MED17: variants seen among roughly 807,000 people sequenced by gnomAD.
The protein encoded by MED17 is mediator complex subunit 17, also known as mediator of RNA polymerase II transcription subunit 17.
Under a neutral mutation model 80.8 loss-of-function variants are expected in MED17, and 49 were observed. The ratio of observed to expected loss-of-function variants is 0.61; its 90% CI spans 0.48 to 0.77. The LOEUF (loss-of-function observed/expected upper bound fraction) is 0.77, where lower values mean the gene tolerates loss of function less well. Among genes scored for constraint, MED17 ranks in the 30% least tolerant of loss-of-function variants. The pLI is 0.00. For missense variants in MED17, 718 were observed against 787.0 expected (o/e 0.91, Z 1.05); for synonymous variants, 281 against 280.4 (o/e 1.00, Z -0.02).
intron 9 of MED17, chr11:93,806,716 A>G (rs1400690835): frequency 6.6e-6 from 1 of 152,238 alleles, no homozygotes; most frequent in African/African-American, 2.4e-5. Flanking sequence ...TTACTAGGCA[A>G]CATTGCTTAT....
intron 1 of MED17, among the ~76,000 whole-genome samples, chr11:93,787,580 A>T (rs1376002270): frequency 2.0e-5 from 3 of 152,156 alleles, no homozygotes; most frequent in Non-Finnish European, 4.4e-5. Flanking sequence ...TTTAATCACA[A>T]TACTTTTTTT....
chr11:93,809,223 C>G, intron 10 of MED17: 1 of 245,216 alleles, frequency 4.1e-6, no homozygotes, highest in Non-Finnish European at 8.1e-6. Context: ...GAGATACAAC[C>G]AGCCTAGACA....
chr11:93,798,675 C>G (rs137960218), intron 8 of MED17, among the ~76,000 whole-genome samples: 1 of 151,924 alleles, frequency 6.6e-6, no homozygotes, highest in Non-Finnish European at 1.5e-5. Flanking sequence ...TAAATAACTT[C>G]GAGCAAGGGA....
rs1402987430 is a variant in MED17, at chr11:93,811,885, A to G, written c.1777A>G (p.Met593Val). Residue 593 changes from methionine to valine, a missense_variant, in exon 12 of 12, where the codon ATG becomes GTG. Coordinates refer to ENST00000251871, the MANE Select transcript of MED17 (RefSeq NM_004268.5). ...RNGPESGSKI[M>V]VQFPRNQCKD... ...TGGACCTGAAAGTGGCAGCAAGATT[A>G]TGGTTCAGTTTCCTCGTAACCAATG... is the stretch of plus-strand genomic sequence containing the variant. 2 of 1,614,132 alleles carry G rather than the reference A, an allele frequency of 1.2e-6. No individual in the cohort carries two copies. Among genetic ancestry groups the G allele is most frequent in the East Asian group, 2.2e-5 (1 of 44,856 alleles).
At chr11:93,786,953 G>A (rs1459778099) in intron 1 of MED17, among the ~76,000 whole-genome samples, 1 of 152,010 alleles carries the variant, frequency 6.6e-6, no homozygotes, top group Non-Finnish European at 1.5e-5. Context: ...TAAACATACC[G>A]TACATCCATG....
rs1944067105 is a variant in MED17, at chr11:93,809,731, G to C, written c.1599G>C (p.Gln533His). The C allele has an allele frequency of 6.2e-7, 1 of 1,614,058 alleles. No individual in the cohort carries two copies. The highest frequency in any genetic ancestry group is 1.3e-5 in the African/African-American group (1 of 74,914). Residue 533 changes from glutamine (Q) to histidine (H), a missense_variant, in exon 11 of 12, where the codon CAG (glutamine) becomes CAC (histidine). Physicochemically the swap from Gln to His is conservative, Grantham distance 24. Coordinates refer to ENST00000251871, the MANE Select transcript of MED17 (RefSeq NM_004268.5). The part of the protein sequence containing the change: ...DFLLSQMSQH[Q>H]VHAVQQLAKV... ...TTCATTCACAGATGTCACAGCACCA[G>C]GTACATGCAGTTCAGCAACTCGCCA...
At chr11:93,806,316 C>T (rs978985359) in intron 9 of MED17, 1 of 152,042 alleles carries the variant, frequency 6.6e-6, no homozygotes, top group African/African-American at 2.4e-5. Flanking sequence ...CACTAAAATG[C>T]TTTATTCTCA....
At position 93,790,813 on chromosome 11, in the gene MED17, A is replaced by G; in HGVS notation, c.637+20A>G. 2 of 1,606,416 alleles carry G rather than the reference A, an allele frequency of 1.2e-6. No homozygotes were observed. The highest frequency in any genetic ancestry group is 2.2e-5 in the South Asian group (2 of 90,790). On this transcript the variant is annotated intron_variant, in intron 3 of 11. Transcript: ENST00000251871. ...GTGCAGGTATGAATAATTATTAAAA[A>G]CTATACTTTCTGGCCAGGTGTGGTG...
At chr11:93,800,397 G>C (rs199520046) in intron 8 of MED17, among the ~76,000 whole-genome samples, 1 of 151,742 alleles carries the variant, frequency 6.6e-6, no homozygotes, top group African/African-American at 2.4e-5. Flanking sequence ...GAGAGGCCAA[G>C]GAGGGCAGAT....
chr11:93,795,313 GAGAAA>G (rs1463682792), intron 6 of MED17: 1 of 525,032 alleles, frequency 1.9e-6, no homozygotes, highest in Non-Finnish European at 3.4e-6. Context: ...TTGTGGTCAA[GAGAAA>G]AGAAAATTTG....
In MED17 at chr11:93,784,344, GC is replaced by G; in HGVS notation, c.-168del. 1 of 878,678 alleles carries G rather than the reference GC, an allele frequency of 1.1e-6. No homozygotes were observed. Among genetic ancestry groups the G allele is most frequent in the Non-Finnish European group, 1.7e-6 (1 of 597,586 alleles). 54.4% of individuals were successfully genotyped at this position (878,678 alleles called of 1,614,324 possible). On this transcript the variant is annotated 5_prime_UTR_variant, in exon 1 of 12. Coordinates refer to ENST00000251871, the MANE Select transcript of MED17 (RefSeq NM_004268.5). ...CGGTGCGTTCTGGGAAAGTTGCTGG[GC>G]CAGCTCCTTTGTTTCCAGTCTGAGC...
At chr11:93,799,566 G>C (rs1943940281) in intron 8 of MED17, among the ~76,000 whole-genome samples, 3 of 152,266 alleles carry the variant, frequency 2.0e-5, no homozygotes, top group African/African-American at 7.2e-5. Flanking sequence ...GATCCCTCAA[G>C]TCCAGGAGTT....
rs191111449 is a variant in MED17 at position 93,794,273 on chromosome 11, C to T, written c.859+238C>T. On this transcript the variant is annotated intron_variant, in intron 5 of 11. Coordinates refer to ENST00000251871, the MANE Select transcript of MED17 (RefSeq NM_004268.5). Reference sequence around the variant, plus strand: ...AGGCTAGAGTGCAATGGCGCAGTCTCGGCTCACCGCAACGTCTACCTCCCA... The same window carrying T: ...AGGCTAGAGTGCAATGGCGCAGTCTTGGCTCACCGCAACGTCTACCTCCCA... The T allele has an allele frequency of 2.2e-3, 872 of 389,478 alleles. 6 individuals carry two copies. The highest frequency in any genetic ancestry group is 0.019 in the African/African-American group (833 of 44,826). The allele number at this position is 389,478 out of a possible 1,614,324, so 24.1% of individuals were successfully genotyped here. A position where few individuals can be genotyped will look rare whatever the true frequency, so the allele number is the denominator to read the frequency against.
intron 3 of MED17, among the ~76,000 whole-genome samples, chr11:93,791,625 G>C (rs796316583): frequency 7.2e-5 from 11 of 152,180 alleles, no homozygotes; most frequent in African/African-American, 2.2e-4. Context: ...ATGATCCCTT[G>C]AGCCCAGGAG....
chr11:93,803,140 C>T (rs1943980723), intron 9 of MED17, among the ~76,000 whole-genome samples: 1 of 152,172 alleles, frequency 6.6e-6, no homozygotes, highest in South Asian at 2.1e-4. Flanking sequence ...CTACGATACC[C>T]TTAGTTGCTT....
At chr11:93,802,210 CT>C (rs2135718052) in intron 9 of MED17, among the ~76,000 whole-genome samples, 1 of 151,940 alleles carries the variant, frequency 6.6e-6, no homozygotes, top group African/African-American at 2.4e-5. Flanking sequence ...TCAAGGAATT[CT>C]TTTGCCTCAA....
intron 10 of MED17, 185 bp downstream of exon 10, chr11:93,807,820 T>G (rs138294087): frequency 3.1e-4 from 194 of 622,692 alleles, no homozygotes; most frequent in Non-Finnish European, 5.0e-4. Context: ...CTGGAAGTAC[T>G]GATAAGCTGT....
At chr11:93,802,913 A>G (rs1054397263) in intron 9 of MED17, among the ~76,000 whole-genome samples, 4 of 152,204 alleles carry the variant, frequency 2.6e-5, no homozygotes, top group Admixed American at 6.5e-5. Context: ...TTTTTGGCCT[A>G]CCTTTTGAGC....
rs768490219 is a variant in MED17 at position 93,796,560 on chromosome 11, T to C, written c.1143+20T>C. The C allele has an allele frequency of 1.2e-6, 2 of 1,613,594 alleles. No homozygotes were observed. The highest frequency in any genetic ancestry group is 1.7e-5 in the Admixed American group (1 of 60,024). On this transcript the variant is annotated intron_variant, in intron 7 of 11. Coordinates refer to ENST00000251871, the MANE Select transcript of MED17 (RefSeq NM_004268.5). ...AGAGAGGTAAGGAAATAAATGTTTT[T>C]CTTTGCGCTGTGGTGAGTATGTCCA...
Sources: allele counts gnomAD v4.1 joint callset (sites outside exome capture counted in the v4.1 genomes callset), GRCh38; gene constraint gnomAD v4.1.1; transcripts MANE v1.5; gene names NCBI Gene and HGNC (gene_info 2026-07-23, HGNC 2026-07-21).